The following ZRANB3 variants were observed in gnomAD, a reference collection of about 807,000 sequenced individuals.
ZRANB3 encodes DNA annealing helicase and endonuclease ZRANB3.
Under a neutral mutation model 133.8 loss-of-function variants are expected in ZRANB3, and 125 were observed. The observed-to-expected ratio is 0.93, with a 90% CI of 0.81 to 1.08. The LOEUF is 1.08. Among genes scored for constraint, ZRANB3 ranks in the 50% least tolerant of loss-of-function variants. ZRANB3 has a pLI of 0.00. For missense variants in ZRANB3, 1,229 were observed against 1,275.5 expected, an observed-to-expected ratio of 0.96 and a Z score of 0.56; for synonymous variants, 387 against 432.7, an observed-to-expected ratio of 0.89 and a Z score of 1.31.
At chr2:135,383,438 G>A (rs890412907) in intron 3 of ZRANB3, among the ~76,000 whole-genome samples, 2 of 152,192 alleles carry the variant, frequency 1.3e-5, no homozygotes, top group African/African-American at 2.4e-5. Flanking sequence ...ACAGATCAAC[G>A]AGACAGAAAG....
At chr2:135,487,825 A>G (rs1272516693) in intron 2 of ZRANB3, among the ~76,000 whole-genome samples, 1 of 152,216 alleles carries the variant, frequency 6.6e-6, no homozygotes, top group Non-Finnish European at 1.5e-5. Flanking sequence ...CCACATCTGC[A>G]ATAAGACTGT....
chr2:135,454,557 C>A (rs1690410996), intron 2 of ZRANB3, among the ~76,000 whole-genome samples: 1 of 152,016 alleles, frequency 6.6e-6, no homozygotes, highest in Non-Finnish European at 1.5e-5. Context: ...TACACTCTAC[C>A]CAAAAGATGA....
intron 1 of ZRANB3, chr2:135,511,373 T>C (rs1261319253): frequency 1.2e-6 from 1 of 802,888 alleles, no homozygotes. Context: ...GTTCAGCAAC[T>C]GGCTCCTCTA....
intron 17 of ZRANB3, among the ~76,000 whole-genome samples, chr2:135,215,978 A>G (rs555360585): frequency 3.2e-4 from 49 of 152,010 alleles, no homozygotes; most frequent in Non-Finnish European, 3.1e-4. Context: ...CAAATTGAAA[A>G]CCACTGTCCA....
intron 2 of ZRANB3, among the ~76,000 whole-genome samples, chr2:135,484,686 C>G (rs1692009910): frequency 6.6e-6 from 1 of 150,600 alleles, no homozygotes; most frequent in Non-Finnish European, 1.5e-5. Context: ...AAAAACCTGT[C>G]TTGGTTTTTA....
chr2:135,526,448 G>A lies in ZRANB3; in HGVS notation c.-8+4679C>T, dbSNP rs76316543. On this transcript the variant is annotated intron_variant, in intron 1 of 20. Coordinates refer to ENST00000264159, the MANE Select transcript of ZRANB3 (RefSeq NM_032143.4). ...CAAAGTGCTGGGATTACAGGCGTGAGCCAATGAGCCCAACCTGATTTTTTT... is the reference window on the plus strand; with the variant it reads ...CAAAGTGCTGGGATTACAGGCGTGAACCAATGAGCCCAACCTGATTTTTTT... 8.3e-3 allele frequency among the ~76,000 whole-genome samples: 1,257 copies of A among 152,246 alleles called. 38 individuals carry two copies. The highest frequency in any genetic ancestry group is 0.06 in the Admixed American group (921 of 15,284).
chr2:135,435,609 A>C (rs779335158), intron 2 of ZRANB3, among the ~76,000 whole-genome samples: 1 of 152,204 alleles, frequency 6.6e-6, no homozygotes. Flanking sequence ...CACTTCCACC[A>C]ACAGTGTATG....
intron 2 of ZRANB3, among the ~76,000 whole-genome samples, chr2:135,444,141 G>A (rs1689914882): frequency 6.6e-6 from 1 of 150,890 alleles, no homozygotes; most frequent in East Asian, 1.9e-4. Flanking sequence ...AGAATGAGGA[G>A]AAACTGGAAC....
At chr2:135,217,419 C>T (rs780832371) in intron 17 of ZRANB3, 46 bp downstream of exon 17, 19 of 1,514,744 alleles carry the variant, frequency 1.3e-5, no homozygotes, top group Non-Finnish European at 1.7e-5. Flanking sequence ...TAGAAAGAAC[C>T]ATGAAAAGTA....
At chr2:135,265,480 T>A in intron 12 of ZRANB3, 54 bp downstream of exon 12, 1 of 1,500,372 alleles carries the variant, frequency 6.7e-7, no homozygotes, top group East Asian at 2.3e-5. Flanking sequence ...ACATACAAAG[T>A]TATAGTTTCA....
At chr2:135,450,365 T>G (rs1216864004) in intron 2 of ZRANB3, among the ~76,000 whole-genome samples, 1 of 151,678 alleles carries the variant, frequency 6.6e-6, no homozygotes, top group Non-Finnish European at 1.5e-5. Flanking sequence ...GCACTTCATA[T>G]GCATTAACTC....
intron 2 of ZRANB3, among the ~76,000 whole-genome samples, chr2:135,439,141 G>T (rs1158032170): frequency 1.3e-5 from 2 of 152,140 alleles, no homozygotes; most frequent in African/African-American, 2.4e-5. Flanking sequence ...CAAATGACAG[G>T]TTCCAAGGAC....
chr2:135,456,981 T>C lies in ZRANB3; in HGVS notation c.161+47348A>G, dbSNP rs1559011842. Among the ~76,000 whole-genome samples, 3 of 152,256 alleles carry C rather than the reference T, an allele frequency of 2.0e-5. No homozygotes were observed. In the South Asian group the frequency reaches 6.2e-4, roughly 31 times the overall value. The stretch of plus-strand genomic sequence containing the variant: ...AATTCACTTGCCCTGAAATTCACTC[T>C]TTTAAAGCATACAATGCAGATTTTA... On this transcript the variant is annotated intron_variant, in intron 2 of 20. Transcript: ENST00000264159.
chr2:135,348,957 TATC>T (rs1193100056), intron 5 of ZRANB3, among the ~76,000 whole-genome samples: 1 of 152,154 alleles, frequency 6.6e-6, no homozygotes, highest in East Asian at 1.9e-4. Flanking sequence ...TTTTTAAGTA[TATC>T]ATCACCCCTA....
chr2:135,216,002 A>G (rs1333310430), intron 17 of ZRANB3, among the ~76,000 whole-genome samples: 2 of 152,170 alleles, frequency 1.3e-5, no homozygotes, highest in Admixed American at 6.5e-5. Flanking sequence ...GAAACCCGTG[A>G]TAAGAATTTC....
chr2:135,420,295 T>C (rs1296545248), intron 2 of ZRANB3, among the ~76,000 whole-genome samples: 1 of 151,378 alleles, frequency 6.6e-6, no homozygotes, highest in African/African-American at 2.4e-5. Context: ...AAAAAATTAA[T>C]AAAATTAAAA....
At chr2:135,477,586 T>C (rs1008371209) in intron 2 of ZRANB3, among the ~76,000 whole-genome samples, 16 of 152,246 alleles carry the variant, frequency 1.1e-4, no homozygotes, top group African/African-American at 3.9e-4. Flanking sequence ...TGAAACTAAC[T>C]GTTGGCTCTC....
chr2:135,253,645 T>C (rs1679510849), intron 12 of ZRANB3, among the ~76,000 whole-genome samples: 1 of 152,202 alleles, frequency 6.6e-6, no homozygotes, highest in African/African-American at 2.4e-5. Flanking sequence ...TATAGGTAAC[T>C]GTATCACATG....
chr2:135,374,497 A>G (rs985596830), intron 3 of ZRANB3, among the ~76,000 whole-genome samples: 2 of 151,344 alleles, frequency 1.3e-5, no homozygotes, highest in African/African-American at 4.9e-5. Flanking sequence ...ATATTAAAAC[A>G]TATCTTTTTT....
Sources: gnomAD v4.1 joint callset for allele counts (sites outside exome capture counted in the v4.1 genomes callset) on GRCh38, gnomAD v4.1.1 for gene constraint, MANE v1.5 for transcripts, NCBI Gene and HGNC (gene_info 2026-07-23, HGNC 2026-07-21) for gene names.